SEMA6D: variants seen among roughly 807,000 people sequenced by gnomAD.
SEMA6D encodes semaphorin-6D.
Under a neutral mutation model 106.6 loss-of-function variants are expected in SEMA6D, and 35 were observed. That is an observed-to-expected ratio of 0.33 (90% confidence interval 0.25 to 0.44). SEMA6D has a LOEUF of 0.44. Ranked by LOEUF, SEMA6D falls within the 20% of genes least tolerant of loss-of-function variation. The probability of loss-of-function intolerance (pLI) is 1.00; values close to 1 mark genes in which losing one functional copy is unlikely to be tolerated. For synonymous variants in SEMA6D, 499 were observed against 487.7 expected (o/e 1.02, Z -0.31); for missense variants, 1,185 against 1,345.9 (o/e 0.88, Z 1.87).
At chr15:47,285,383 G>A (rs979952003) in intron 1 of SEMA6D, among the ~76,000 whole-genome samples, 5 of 151,884 alleles carry the variant, frequency 3.3e-5, no homozygotes, top group South Asian at 2.1e-4. Context: ...AAGAAAATGG[G>A]TAACAAACCT....
At chr15:47,440,271 A>C (rs577045776) in intron 2 of SEMA6D, among the ~76,000 whole-genome samples, 37 of 150,874 alleles carry the variant, frequency 2.5e-4, no homozygotes, top group African/African-American at 8.8e-4. Context: ...GAGTTAGGAC[A>C]CAGGAGGCAA....
chr15:47,511,736 C>T (rs2044238023), intron 3 of SEMA6D, among the ~76,000 whole-genome samples: 1 of 152,082 alleles, frequency 6.6e-6, no homozygotes, highest in Admixed American at 6.5e-5. Context: ...GAGTAGGATT[C>T]CAATTAATCC....
chr15:47,569,432 C>A (rs970847565), intron 3 of SEMA6D, among the ~76,000 whole-genome samples: 1 of 152,122 alleles, frequency 6.6e-6, no homozygotes, highest in Non-Finnish European at 1.5e-5. Flanking sequence ...GCTATTCATA[C>A]AAGGTGATGT....
intron 4 of SEMA6D, among the ~76,000 whole-genome samples, chr15:47,657,942 T>A (rs2077835962): frequency 6.6e-6 from 1 of 151,430 alleles, no homozygotes; most frequent in Non-Finnish European, 1.5e-5. Context: ...GGGTTTCGCC[T>A]TGTTAGCCAG....
chr15:47,256,867 A>C (rs995333798), intron 1 of SEMA6D, among the ~76,000 whole-genome samples: 2 of 152,154 alleles, frequency 1.3e-5, no homozygotes, highest in Non-Finnish European at 2.9e-5. Flanking sequence ...CCAAAAAATA[A>C]AAATAAAATA....
intron 1 of SEMA6D, among the ~76,000 whole-genome samples, chr15:47,294,921 CAA>C (rs34895005): frequency 2.0e-5 from 3 of 152,124 alleles, no homozygotes; most frequent in Admixed American, 2.0e-4. Flanking sequence ...CAGTCTGGAA[CAA>C]AATCTGAAGC....
chr15:47,435,497 A>C (rs1225684781), intron 2 of SEMA6D, among the ~76,000 whole-genome samples: 2 of 152,026 alleles, frequency 1.3e-5, no homozygotes, highest in Admixed American at 6.6e-5. Context: ...GTCTAATGAC[A>C]TGTGGCTCCC....
At chr15:47,707,048 G>A (rs1166959549) in intron 4 of SEMA6D, among the ~76,000 whole-genome samples, 2 of 152,174 alleles carry the variant, frequency 1.3e-5, no homozygotes, top group Non-Finnish European at 2.9e-5. Flanking sequence ...AATTGGAAGT[G>A]ATCTAATCTT....
intron 1 of SEMA6D, among the ~76,000 whole-genome samples, chr15:47,759,192 A>G (rs892398827): frequency 6.6e-6 from 1 of 152,134 alleles, no homozygotes; most frequent in Non-Finnish European, 1.5e-5. Context: ...CGTAGTAAGC[A>G]TAGGGAAATA....
At chr15:47,387,078 T>G (rs1191323249) in intron 1 of SEMA6D, among the ~76,000 whole-genome samples, 1 of 152,160 alleles carries the variant, frequency 6.6e-6, no homozygotes, top group Non-Finnish European at 1.5e-5. Flanking sequence ...CTTATCAGAA[T>G]AACTCAAAGT....
chr15:47,385,078 A>G (rs1376308908), intron 1 of SEMA6D, among the ~76,000 whole-genome samples: 3 of 140,476 alleles, frequency 2.1e-5, no homozygotes, highest in Non-Finnish European at 3.0e-5. Flanking sequence ...CATAGAACTC[A>G]TAAGGCAGCG....
intron 1 of SEMA6D, among the ~76,000 whole-genome samples, chr15:47,329,957 C>T (rs1448719480): frequency 6.6e-6 from 1 of 152,182 alleles, no homozygotes; most frequent in Non-Finnish European, 1.5e-5. Context: ...AGGCTGCACA[C>T]TTGGTAAGGT....
chr15:47,517,231 T>C lies in SEMA6D; in HGVS notation c.-87+46686T>C, dbSNP rs572946235. ...AATCCCTGGCTGCCTGATTTTTCCATTGTGATCAGTTACTGCTTTGAAAAC... is the reference window on the plus strand; with the variant it reads ...AATCCCTGGCTGCCTGATTTTTCCACTGTGATCAGTTACTGCTTTGAAAAC... On this transcript the variant is annotated intron_variant, in intron 3 of 19. Coordinates refer to the SEMA6D transcript ENST00000558014. Among the ~76,000 whole-genome samples the C allele has an allele frequency of 1.7e-4, 26 of 152,242 alleles. No homozygotes were observed. In the South Asian group the frequency reaches 4.4e-3, roughly 26 times the overall value.
chr15:47,467,765 G>C (rs149616526), intron 2 of SEMA6D, among the ~76,000 whole-genome samples: 4 of 151,832 alleles, frequency 2.6e-5, no homozygotes, highest in African/African-American at 9.7e-5. Flanking sequence ...TATCACTGTC[G>C]TAATTATTTC....
At chr15:47,428,778 G>A (rs1012454025) in intron 2 of SEMA6D, among the ~76,000 whole-genome samples, 14 of 152,026 alleles carry the variant, frequency 9.2e-5, no homozygotes, top group African/African-American at 3.4e-4. Context: ...AAAAAAAAAA[G>A]TGGGTAAGAT....
chr15:47,270,573 A>G (rs1321706967), intron 1 of SEMA6D, among the ~76,000 whole-genome samples: 1 of 152,178 alleles, frequency 6.6e-6, no homozygotes, highest in African/African-American at 2.4e-5. Context: ...ATATTTTGCC[A>G]TTAACTTTGA....
intron 4 of SEMA6D, among the ~76,000 whole-genome samples, chr15:47,701,161 C>A (rs910865006): frequency 1.8e-4 from 28 of 152,026 alleles, no homozygotes; most frequent in African/African-American, 6.8e-4. Flanking sequence ...AAAGATAAAC[C>A]AAGGATTGGG....
At chr15:47,239,878 T>G (rs1159521306) in intron 1 of SEMA6D, among the ~76,000 whole-genome samples, 6 of 152,234 alleles carry the variant, frequency 3.9e-5, no homozygotes, top group Non-Finnish European at 8.8e-5. Context: ...GTATTGTTGT[T>G]GTTATCTACC....
chr15:47,627,773 T>G (rs978268915), intron 4 of SEMA6D, among the ~76,000 whole-genome samples: 37 of 152,110 alleles, frequency 2.4e-4, no homozygotes, highest in African/African-American at 8.4e-4. Flanking sequence ...ACACTGGTGC[T>G]GTCAAGATAA....
Sources: gnomAD v4.1 joint callset for allele counts (sites outside exome capture counted in the v4.1 genomes callset) on GRCh38, gnomAD v4.1.1 for gene constraint, MANE v1.5 for transcripts, NCBI Gene and HGNC (gene_info 2026-07-23, HGNC 2026-07-21) for gene names.